The following RELCH variants were observed in gnomAD, a reference collection of about 807,000 sequenced individuals.
RELCH encodes RAB11-binding protein RELCH.
In RELCH, 41 loss-of-function variants were observed where a neutral mutation model predicts 150.3. The ratio of observed to expected loss-of-function variants is 0.27; its 90% CI spans 0.21 to 0.35. The LOEUF is 0.35. Among genes scored for constraint, RELCH ranks in the 10% least tolerant of loss-of-function variants. The pLI, the probability that RELCH is intolerant of heterozygous loss-of-function variation, is 1.00. For synonymous variants in RELCH, 478 were observed against 531.8 expected (o/e 0.90, Z 1.39); for missense variants, 1,092 against 1,467.8 (o/e 0.74, Z 4.18).
intron 17 of RELCH, 48 bp downstream of exon 17, chr18:62,264,193 T>A: frequency 6.8e-7 from 1 of 1,474,042 alleles, no homozygotes; most frequent in Non-Finnish European, 9.2e-7. Flanking sequence ...AACTCTTATA[T>A]TTAGCCTTGG....
chr18:62,193,748 T>C (rs1358915081), intron 1 of RELCH, among the ~76,000 whole-genome samples: 2 of 152,250 alleles, frequency 1.3e-5, no homozygotes, highest in African/African-American at 4.8e-5. Context: ...TTTGACGTGC[T>C]GCTGGCTTCG....
intron 28 of RELCH, among the ~76,000 whole-genome samples, chr18:62,303,415 C>T (rs1017885821): frequency 2.0e-5 from 3 of 152,178 alleles, no homozygotes; most frequent in African/African-American, 7.2e-5. Flanking sequence ...GCCAAATATT[C>T]TTCATTCCTT....
At position 62,252,763 on chromosome 18, in the gene RELCH, CTG is replaced by C. The variant is rs1390058163; in HGVS notation, c.1824+11_1824+12del. 1.2e-6 allele frequency: 2 copies of C among 1,601,282 alleles called. No individual in the cohort carries two copies. Among genetic ancestry groups the C allele is most frequent in the Non-Finnish European group, 1.7e-6 (2 of 1,168,564 alleles). On this transcript the variant is annotated intron_variant, in intron 12 of 28. Transcript: ENST00000644646. Reference sequence around the variant, plus strand: ...CACAGTGTTGGGAACAGGTAAATAACTGTATTGAGTTTTCACCTAGCTATTAT... The same window carrying C: ...CACAGTGTTGGGAACAGGTAAATAACTATTGAGTTTTCACCTAGCTATTAT...
chr18:62,251,064 A>G (rs2042677540), intron 11 of RELCH, among the ~76,000 whole-genome samples: 1 of 152,104 alleles, frequency 6.6e-6, no homozygotes, highest in Non-Finnish European at 1.5e-5. Flanking sequence ...TCTTACTTAG[A>G]ATTTTATGTT....
At chr18:62,277,924 G>A (rs1351662428) in intron 22 of RELCH, 1 of 849,646 alleles carries the variant, frequency 1.2e-6, no homozygotes, top group African/African-American at 1.8e-5. Flanking sequence ...AGAGGTCATG[G>A]ACTTTAAGTC....
At position 62,228,169 on chromosome 18, in the gene RELCH, A is replaced by T. The variant is rs1285744743; in HGVS notation, c.1155-136A>T. The T allele has an allele frequency of 4.4e-6, 3 of 681,630 alleles. No homozygotes were observed. The African/African-American group carries it at 5.5e-5, about 12-fold the overall frequency. The allele number at this position is 681,630 out of a possible 1,614,324, so 42.2% of individuals were successfully genotyped here. ...CATCAGTGAATATTGCATAAAAAAG[A>T]TTTATTACTTGCCAATCATTTGCTA... On this transcript the variant is annotated intron_variant, in intron 7 of 28. Transcript: ENST00000644646.
At position 62,276,781 on chromosome 18, in the gene RELCH, A is replaced by G. The variant is rs139742479; in HGVS notation, c.2967+1308A>G. Among the ~76,000 whole-genome samples the G allele has an allele frequency of 2.8e-3, 419 of 152,238 alleles. 1 individual carries two copies. The highest frequency in any genetic ancestry group is 9.5e-3 in the African/African-American group (396 of 41,570). ...CTCCATCCATGTTATTCCCTCAGTT[A>G]TCATACAGAAGCAACTTTTAAAAAG... On this transcript the variant is annotated intron_variant, in intron 22 of 28. Coordinates refer to ENST00000644646, the MANE Select transcript of RELCH (RefSeq NM_001346231.2).
chr18:62,214,672 A>C (rs2040376945), intron 2 of RELCH, among the ~76,000 whole-genome samples: 1 of 151,894 alleles, frequency 6.6e-6, no homozygotes, highest in Non-Finnish European at 1.5e-5. Context: ...TAGCTCATAC[A>C]CTCTGCATGT....
chr18:62,207,680 T>C (rs1386993135), intron 1 of RELCH, among the ~76,000 whole-genome samples: 1 of 152,238 alleles, frequency 6.6e-6, no homozygotes, highest in Non-Finnish European at 1.5e-5. Context: ...TGAAAAATAA[T>C]TCATATACCA....
At chr18:62,209,692 A>G (rs866022495) in intron 1 of RELCH, among the ~76,000 whole-genome samples, 1 of 149,272 alleles carries the variant, frequency 6.7e-6, no homozygotes, top group African/African-American at 2.5e-5. Context: ...ATTGCATTGA[A>G]TCTGAAGATT....
chr18:62,205,356 C>G (rs1386315064), intron 1 of RELCH, among the ~76,000 whole-genome samples: 1 of 152,216 alleles, frequency 6.6e-6, no homozygotes, highest in African/African-American at 2.4e-5. Flanking sequence ...AAAGTTCCCT[C>G]AAGGCCCTTT....
chr18:62,274,699 G>T (rs962039349), intron 21 of RELCH, among the ~76,000 whole-genome samples: 2 of 152,188 alleles, frequency 1.3e-5, no homozygotes, highest in Non-Finnish European at 2.9e-5. Flanking sequence ...ACCCACAGAA[G>T]TTGTAATTTA....
chr18:62,266,650 A>T (rs530340792), intron 18 of RELCH, 51 bp from the exon 19 acceptor site: 1 of 1,133,772 alleles, frequency 8.8e-7, no homozygotes, highest in Non-Finnish European at 1.3e-6. Flanking sequence ...CATTTAATCA[A>T]TTTGCCCATT....
chr18:62,291,527 A>T lies in RELCH; in HGVS notation c.3371-16A>T. 1 of 1,562,362 alleles carries T rather than the reference A, an allele frequency of 6.4e-7. No homozygotes were observed. Among genetic ancestry groups the T allele is most frequent in the Non-Finnish European group, 8.8e-7 (1 of 1,141,678 alleles). ...AATTTGGTTTTGTTTAATTCCCTTA[A>T]CTACCTTGTCCCAAGTCATTTCAGA... On this transcript the variant is annotated splice_polypyrimidine_tract_variant and intron_variant, in intron 26 of 28. Transcript: ENST00000644646.
At chr18:62,288,267 T>C (rs1163938599) in intron 26 of RELCH, among the ~76,000 whole-genome samples, 1 of 152,088 alleles carries the variant, frequency 6.6e-6, no homozygotes, top group Admixed American at 6.5e-5. Flanking sequence ...AATGCTAAAG[T>C]ACATGCTAAA....
At chr18:62,263,837 C>T (rs2144717700) in intron 16 of RELCH, 152 bp from the exon 17 acceptor site, 2 of 532,976 alleles carry the variant, frequency 3.8e-6, no homozygotes, top group Middle Eastern at 1.0e-3. Flanking sequence ...CTAAAAATGA[C>T]TTAATTAGTG....
intron 10 of RELCH, among the ~76,000 whole-genome samples, chr18:62,234,057 ATGTTT>A (rs1300910143): frequency 1.3e-5 from 2 of 151,854 alleles, no homozygotes; most frequent in African/African-American, 4.8e-5. Context: ...AATTATTTGT[ATGTTT>A]TATCAGAAAA....
intron 21 of RELCH, 129 bp downstream of exon 21, chr18:62,274,215 T>G (rs2044068977): frequency 1.7e-6 from 1 of 600,668 alleles, no homozygotes; most frequent in South Asian, 2.0e-5. Context: ...AACTTAAGGG[T>G]TTTTTTGTGT....
In RELCH at chr18:62,273,967, T is replaced by A; in HGVS notation, c.2761-13T>A. 6.6e-7 allele frequency: 1 copy of A among 1,524,192 alleles called. No individual in the cohort carries two copies. The highest frequency in any genetic ancestry group is 9.1e-7 in the Non-Finnish European group (1 of 1,099,774). The allele number at this position is 1,524,192 out of a possible 1,614,324, so 94.4% of individuals were successfully genotyped here. A position where few individuals can be genotyped will look rare whatever the true frequency, so the allele number is the denominator to read the frequency against. On this transcript the variant is annotated splice_polypyrimidine_tract_variant and intron_variant, in intron 20 of 28. Transcript: ENST00000644646. ...TTGTTTGGAAATTCAGTATCAGTAT[T>A]TTTCCTCTGTAGGAAGAAGACCGAA...
Sources: gnomAD v4.1 joint callset for allele counts (sites outside exome capture counted in the v4.1 genomes callset) on GRCh38, gnomAD v4.1.1 for gene constraint, MANE v1.5 for transcripts, NCBI Gene and HGNC (gene_info 2026-07-23, HGNC 2026-07-21) for gene names.